The following RBM33 variants were observed in gnomAD, a reference collection of about 807,000 sequenced individuals.
The protein encoded by RBM33 is RNA-binding protein 33.
A neutral mutation model predicts 132.6 loss-of-function variants in RBM33; 28 were observed. The observed-to-expected ratio is 0.21, with a 90% CI of 0.16 to 0.29. The LOEUF (loss-of-function observed/expected upper bound fraction) is 0.29, where lower values mean the gene tolerates loss of function less well. Ranked by LOEUF, RBM33 falls within the 10% of genes least tolerant of loss-of-function variation. RBM33 has a pLI of 1.00. For missense variants in RBM33, 1,291 were observed against 1,518.5 expected, an observed-to-expected ratio of 0.85 and a Z score of 2.49; for synonymous variants, 634 against 593.0, an observed-to-expected ratio of 1.07 and a Z score of -1.01.
chr7:155,775,291 CGTTTT>C lies in RBM33; in HGVS notation c.*261_*265del, dbSNP rs1206562268. ...TCACCACCAAGAACTCCAAGTTTTT[CGTTTT>C]GTTTTGTTTTCAAAGTGCTTACAAT... is the stretch of plus-strand genomic sequence containing the variant. On this transcript the variant is annotated 3_prime_UTR_variant, in exon 18 of 18. Transcript: ENST00000401878. 4 of 614,246 alleles carry C rather than the reference CGTTTT, an allele frequency of 6.5e-6. No individual in the cohort carries two copies. The highest frequency in any genetic ancestry group is 4.3e-4 in the Middle Eastern group (1 of 2,338). The allele number at this position is 614,246 out of a possible 1,614,324, so 38.0% of individuals were successfully genotyped here.
At position 155,700,892 on chromosome 7, in the gene RBM33, T is replaced by G. The variant is rs1326723405; in HGVS notation, c.687T>G (p.Ile229Met). Reference protein sequence around the residue: ...RFKTERKEGTIIRLSDVTRER... With the variant: ...RFKTERKEGTMIRLSDVTRER... Reference sequence around the variant, plus strand: ...AAACTGAAAGGAAAGAAGGAACAATTATTAGGCTCTCAGATGTAACTAGAG... The same window carrying G: ...AAACTGAAAGGAAAGAAGGAACAATGATTAGGCTCTCAGATGTAACTAGAG... The change falls in exon 6 of 18, where the codon ATT becomes ATG. Residue 229 changes from isoleucine to methionine, a missense_variant. Ile to Met is a conservative substitution (Grantham distance 10). Transcript: ENST00000401878. 1 of 1,612,962 alleles carries G rather than the reference T, an allele frequency of 6.2e-7. No homozygotes were observed. Among genetic ancestry groups the G allele is most frequent in the Admixed American group, 1.7e-5 (1 of 59,940 alleles).
chr7:155,684,573 G>T (rs962444155), intron 5 of RBM33, among the ~76,000 whole-genome samples: 7 of 152,154 alleles, frequency 4.6e-5, no homozygotes, highest in Non-Finnish European at 8.8e-5. Flanking sequence ...AGTTGGGCAT[G>T]ATTTCAGCCC....
chr7:155,678,466 T>A (rs901921550), intron 3 of RBM33, 142 bp from the exon 4 acceptor site: 2 of 565,060 alleles, frequency 3.5e-6, no homozygotes, highest in Non-Finnish European at 3.2e-6. Flanking sequence ...TTCTTGATTA[T>A]CCACTGGTGA....
Position 155,682,605 on chromosome 7 carries a change from A to G in RBM33, c.567+1697A>G, listed in dbSNP as rs183076122. Among the ~76,000 whole-genome samples, 20 of 152,342 alleles carry G rather than the reference A, an allele frequency of 1.3e-4. No homozygotes were observed. In the East Asian group the frequency reaches 3.7e-3, roughly 28 times the overall value. ...TTCCTCCTGTAAGTTCAGCAGTCCA[A>G]CAAGTCTTTACTGATGTCTAAGCAC... On this transcript the variant is annotated intron_variant, in intron 5 of 17. Transcript: ENST00000401878.
chr7:155,767,990 T>A (rs1802281542), intron 16 of RBM33, among the ~76,000 whole-genome samples: 1 of 152,218 alleles, frequency 6.6e-6, no homozygotes, highest in African/African-American at 2.4e-5. Context: ...ACCCTGAGCC[T>A]AGTCTGTTGT....
At chr7:155,652,504 T>G (rs1798383456) in intron 1 of RBM33, among the ~76,000 whole-genome samples, 1 of 152,240 alleles carries the variant, frequency 6.6e-6, no homozygotes, top group Admixed American at 6.5e-5. Context: ...GTCTATGTGG[T>G]ATCTTATCCA....
At chr7:155,695,178 T>C (rs1799757213) in intron 5 of RBM33, among the ~76,000 whole-genome samples, 1 of 152,216 alleles carries the variant, frequency 6.6e-6, no homozygotes, top group Non-Finnish European at 1.5e-5. Context: ...GTATATCTTC[T>C]TTGCTTCTAG....
Position 155,644,787 on chromosome 7 carries a change from C to G in RBM33, c.-90C>G, listed in dbSNP as rs1266740059. 5.2e-6 allele frequency: 6 copies of G among 1,158,146 alleles called. No individual in the cohort carries two copies. In the African/African-American group the frequency reaches 9.7e-5, roughly 19 times the overall value. The allele number at this position is 1,158,146 out of a possible 1,614,324, so 71.7% of individuals were successfully genotyped here. A position where few individuals can be genotyped will look rare whatever the true frequency, so the allele number is the denominator to read the frequency against. On this transcript the variant is annotated 5_prime_UTR_variant, in exon 1 of 18. Transcript: ENST00000401878. ...CCTGCAGCCCCCTCCCTTCTCTGTC[C>G]TCCGTCACCCGTACCCGGGCCCGGA...
At position 155,724,459 on chromosome 7, in the gene RBM33, C is replaced by T. The variant is rs1018125458; in HGVS notation, c.1260+6016C>T. ...AGGAGAATCGCTTGAACCCAGGAGG[C>T]GGAGGTTGCAGTGAGCTGAGATCGT... On this transcript the variant is annotated intron_variant, in intron 9 of 17. Transcript: ENST00000401878. Among the ~76,000 whole-genome samples the T allele has an allele frequency of 5.3e-5, 8 of 152,272 alleles. No individual in the cohort carries two copies. The East Asian group carries it at 9.6e-4, about 18-fold the overall frequency.
At chr7:155,763,246 C>A (rs377067682) in intron 14 of RBM33, among the ~76,000 whole-genome samples, 1 of 152,222 alleles carries the variant, frequency 6.6e-6, no homozygotes, top group Non-Finnish European at 1.5e-5. Flanking sequence ...TGATGCTCTT[C>A]GGCGCTTCAG....
At chr7:155,676,389 G>A (rs1405321486) in intron 3 of RBM33, among the ~76,000 whole-genome samples, 1 of 152,168 alleles carries the variant, frequency 6.6e-6, no homozygotes, top group Non-Finnish European at 1.5e-5. Flanking sequence ...TCATCAACTC[G>A]TGTTGGACAG....
chr7:155,663,912 CTT>C (rs1205520469), intron 1 of RBM33, among the ~76,000 whole-genome samples: 2 of 152,196 alleles, frequency 1.3e-5, no homozygotes, highest in East Asian at 3.8e-4. Flanking sequence ...ATAAAGATAA[CTT>C]TGTCAGGTGC....
intron 14 of RBM33, among the ~76,000 whole-genome samples, chr7:155,752,799 A>T (rs1801726590): frequency 6.6e-6 from 1 of 152,120 alleles, no homozygotes; most frequent in Non-Finnish European, 1.5e-5. Context: ...ATTACTTTGG[A>T]TGCAGCTCAA....
At chr7:155,724,176 T>A (rs760464301) in intron 9 of RBM33, among the ~76,000 whole-genome samples, 7 of 152,172 alleles carry the variant, frequency 4.6e-5, no homozygotes, top group Non-Finnish European at 7.3e-5. Flanking sequence ...CAGGAGTTGT[T>A]GAAGACCTGT....
At chr7:155,675,443 T>C (rs989548299) in intron 3 of RBM33, among the ~76,000 whole-genome samples, 1 of 152,204 alleles carries the variant, frequency 6.6e-6, no homozygotes, top group Non-Finnish European at 1.5e-5. Flanking sequence ...TTGTATATGC[T>C]ACAGTGTCCC....
intron 8 of RBM33, among the ~76,000 whole-genome samples, chr7:155,711,835 A>G (rs1207515348): frequency 1.3e-5 from 2 of 152,200 alleles, no homozygotes; most frequent in African/African-American, 4.8e-5. Context: ...ACCCCATCCT[A>G]TGTTGAGGAG....
intron 3 of RBM33, among the ~76,000 whole-genome samples, chr7:155,676,993 C>T (rs990831854): frequency 2.0e-5 from 3 of 152,268 alleles, no homozygotes; most frequent in African/African-American, 7.2e-5. Flanking sequence ...CTAAAAAGCT[C>T]AGAGAAACAG....
rs768057689 is a variant in RBM33 at position 155,742,002 on chromosome 7, C to T, written c.2233C>T (p.Arg745Trp). Reference sequence around the variant, plus strand: ...TATCGTCAGCGCGTCACCACCCTCGCGGGCCGTGGCGGGTTCCAGAAGCTC... The same window carrying T: ...TATCGTCAGCGCGTCACCACCCTCGTGGGCCGTGGCGGGTTCCAGAAGCTC... The part of the protein sequence containing the change: ...KPIVSASPPS[R>W]AVAGSRSSQG... Residue 745 changes from arginine to tryptophan, a missense_variant, in exon 13 of 18, where the codon CGG becomes TGG. Arg to Trp is a moderately radical substitution (Grantham distance 101). This residue lies in a region of RBM33 where 841 missense variants were observed against 912.0 expected (regional missense o/e 0.92). Coordinates refer to ENST00000401878, the MANE Select transcript of RBM33 (RefSeq NM_053043.3). The T allele has an allele frequency of 1.2e-5, 19 of 1,613,888 alleles. No homozygotes were observed. Among genetic ancestry groups the T allele is most frequent in the Admixed American group, 1.0e-4 (6 of 60,004 alleles).
intron 8 of RBM33, among the ~76,000 whole-genome samples, 162 bp from the exon 9 acceptor site, chr7:155,718,223 T>C (rs10247159): frequency 0.016 from 2,480 of 152,260 alleles, 59 homozygotes; most frequent in African/African-American, 0.055. Context: ...TTTTCTGTTA[T>C]GGAATTGTTA....
Sources: allele counts gnomAD v4.1 joint callset (sites outside exome capture counted in the v4.1 genomes callset), GRCh38; gene constraint gnomAD v4.1.1; regional missense constraint gnomAD v4.1.1; transcripts MANE v1.5; gene names NCBI Gene and HGNC (gene_info 2026-07-23, HGNC 2026-07-21).